Variants in MCF2L2 observed in about 807,000 individuals in gnomAD.
The protein encoded by MCF2L2 is probable guanine nucleotide exchange factor MCF2L2.
A neutral mutation model predicts 150.2 loss-of-function variants in MCF2L2; 102 were observed. The observed-to-expected ratio is 0.68, with a 90% confidence interval of 0.58 to 0.80. MCF2L2 has a LOEUF of 0.80. MCF2L2 is among the 30% of genes least tolerant of loss of function. The pLI, the probability that MCF2L2 is intolerant of heterozygous loss-of-function variation, is 0.00. For missense variants in MCF2L2, 1,256 were observed against 1,372.8 expected, an observed-to-expected ratio of 0.91 and a Z score of 1.34; for synonymous variants, 465 against 491.3, an observed-to-expected ratio of 0.95 and a Z score of 0.71.
chr3:183,311,615 C>T, intron 8 of MCF2L2, 33 bp downstream of exon 8: 1 of 1,612,602 alleles, frequency 6.2e-7, no homozygotes, highest in Non-Finnish European at 8.5e-7. Context: ...CATATTCTCT[C>T]CTGAAAAGGC....
At chr3:183,194,460 G>A (rs1722014304) in intron 26 of MCF2L2, among the ~76,000 whole-genome samples, 1 of 152,204 alleles carries the variant, frequency 6.6e-6, no homozygotes, top group Non-Finnish European at 1.5e-5. Context: ...GATCAGGAGA[G>A]TTCTAAGTGG....
chr3:183,228,236 C>G (rs373082330), intron 18 of MCF2L2, 61 bp downstream of exon 18: 1 of 1,300,682 alleles, frequency 7.7e-7, no homozygotes, highest in East Asian at 2.3e-5. Context: ...GTCCTTGCCA[C>G]TTAACGCAGA....
At chr3:183,378,288 T>C (rs749369129) in intron 3 of MCF2L2, 1 of 152,368 alleles carries the variant, frequency 6.6e-6, no homozygotes, top group Non-Finnish European at 1.5e-5. Context: ...AGGGAAGGCC[T>C]TTCCCAACCA....
Position 183,179,641 on chromosome 3 carries a change from A to T in MCF2L2, c.3157T>A (p.Ser1053Thr). ...CTTTCTCCCCTCTCCAGGAAAGCAGATTTGGAGGAACAGGTTTCGTGACTG... is the reference window on the plus strand; with the variant it reads ...CTTTCTCCCCTCTCCAGGAAAGCAGTTTTGGAGGAACAGGTTTCGTGACTG... ...DDSHETCSSK[S>T]AFLERGESSQ... Residue 1053 changes from serine to threonine, a missense_variant, in exon 29 of 30, where the codon TCT (serine) becomes ACT (threonine). By Grantham distance (58) the Ser-to-Thr change is moderately conservative. Coordinates refer to ENST00000328913, the MANE Select transcript of MCF2L2 (RefSeq NM_015078.4). The surrounding 1 kb of genome is among the most constrained non-coding windows in gnomAD (Gnocchi z 4.2). 6.2e-7 allele frequency: 1 copy of T among 1,613,944 alleles called. No individual in the cohort carries two copies. The highest frequency in any genetic ancestry group is 8.5e-7 in the Non-Finnish European group (1 of 1,179,934).
At chr3:183,349,479 G>A (rs1226355389) in intron 3 of MCF2L2, among the ~76,000 whole-genome samples, 3 of 152,086 alleles carry the variant, frequency 2.0e-5, no homozygotes, top group African/African-American at 4.8e-5. Context: ...CTTAGCTTCC[G>A]AATGTTACTG....
chr3:183,192,898 TA>T, intron 27 of MCF2L2, 100 bp downstream of exon 27: 4 of 809,932 alleles, frequency 4.9e-6, no homozygotes, highest in Non-Finnish European at 6.1e-6. Flanking sequence ...CTCATTTAAC[TA>T]AAGAAGGGCT....
intron 10 of MCF2L2, among the ~76,000 whole-genome samples, chr3:183,303,547 T>C (rs2108501644): frequency 6.6e-6 from 1 of 152,234 alleles, no homozygotes; most frequent in South Asian, 2.1e-4. Flanking sequence ...GGTTTATGGT[T>C]TCAACAATTT....
At chr3:183,306,505 T>C (rs1729104711) in intron 10 of MCF2L2, among the ~76,000 whole-genome samples, 2 of 152,188 alleles carry the variant, frequency 1.3e-5, no homozygotes, top group Admixed American at 6.5e-5. Flanking sequence ...ACTCTGCTGG[T>C]ATAACAGATG....
chr3:183,209,091 C>A (rs1392049810), intron 22 of MCF2L2, among the ~76,000 whole-genome samples: 3 of 152,224 alleles, frequency 2.0e-5, no homozygotes, highest in Non-Finnish European at 2.9e-5. Context: ...TCACCACATT[C>A]CAAAACAGAA....
At chr3:183,276,096 C>T (rs7632385) in intron 15 of MCF2L2, among the ~76,000 whole-genome samples, 3,923 of 152,232 alleles carry the variant, frequency 0.026, 176 homozygotes, top group African/African-American at 0.087. Flanking sequence ...CATTCAACGC[C>T]CACATGCTGA....
intron 14 of MCF2L2, among the ~76,000 whole-genome samples, chr3:183,281,743 T>C (rs1298277642): frequency 6.6e-6 from 1 of 151,986 alleles, no homozygotes; most frequent in Non-Finnish European, 1.5e-5. Flanking sequence ...TAGGACATCG[T>C]ATGGACTGAA....
At chr3:183,307,283 TA>T (rs1729144856) in intron 10 of MCF2L2, among the ~76,000 whole-genome samples, 1 of 152,162 alleles carries the variant, frequency 6.6e-6, no homozygotes, top group Admixed American at 6.5e-5. Flanking sequence ...TTTAACACTT[TA>T]AAGGACAAAT....
In MCF2L2 at chr3:183,323,235, A is replaced by C. The variant is rs202129770; in HGVS notation, c.603T>G (p.Thr201=). 3.7e-6 allele frequency: 6 copies of C among 1,600,038 alleles called. No homozygotes were observed. The Admixed American group carries it at 1.0e-4, about 27-fold the overall frequency. ...AAAGCACACGTAAGCTGGTACTCAC[A>C]GTGCGGTGATTTACCCACTGACCGT... ...YRHGQWVNHR[T]AIENFALTLK... Residue 201 remains threonine (T), a splice_region_variant and synonymous_variant, in exon 6 of 30, where the codon ACT becomes ACG. Coordinates refer to ENST00000328913, the MANE Select transcript of MCF2L2 (RefSeq NM_015078.4).
At chr3:183,216,949 A>T (rs1447932187) in intron 21 of MCF2L2, among the ~76,000 whole-genome samples, 1 of 151,520 alleles carries the variant, frequency 6.6e-6, no homozygotes, top group Non-Finnish European at 1.5e-5. Context: ...GCTCCTTTTA[A>T]ATAGGCTTCT....
chr3:183,291,163 A>G (rs1728120581), intron 13 of MCF2L2, among the ~76,000 whole-genome samples: 2 of 152,202 alleles, frequency 1.3e-5, no homozygotes, highest in Admixed American at 1.3e-4. Flanking sequence ...AGGCACAATA[A>G]CTAGATGCTA....
intron 15 of MCF2L2, among the ~76,000 whole-genome samples, chr3:183,261,961 T>TAAAAAA (rs59219335): frequency 8.9e-6 from 1 of 112,116 alleles, no homozygotes; most frequent in Non-Finnish European, 1.8e-5. Context: ...TGTCCAGCAT[T>TAAAAAA]AAAAAAAAAA....
At chr3:183,397,838 T>C (rs912041134) in intron 1 of MCF2L2, among the ~76,000 whole-genome samples, 1 of 152,232 alleles carries the variant, frequency 6.6e-6, no homozygotes, top group African/African-American at 2.4e-5. Context: ...ATGTTTATTA[T>C]AGCTTGTTCT....
At chr3:183,395,598 C>T (rs1215295177) in intron 1 of MCF2L2, among the ~76,000 whole-genome samples, 1 of 152,120 alleles carries the variant, frequency 6.6e-6, no homozygotes, top group African/African-American at 2.4e-5. Context: ...CAAATATACA[C>T]TGATGTAACC....
intron 3 of MCF2L2, among the ~76,000 whole-genome samples, chr3:183,351,033 CCT>C (rs1447873220): frequency 1.3e-5 from 2 of 151,408 alleles, no homozygotes; most frequent in African/African-American, 4.8e-5. Context: ...CTTAGTAACT[CCT>C]CTGTCACAAA....
Sources: gnomAD v4.1 joint callset for allele counts (sites outside exome capture counted in the v4.1 genomes callset) on GRCh38, gnomAD v4.1.1 for gene constraint, Gnocchi (gnomAD v3.1) non-coding constraint, MANE v1.5 for transcripts, NCBI Gene and HGNC (gene_info 2026-07-23, HGNC 2026-07-21) for gene names.